Variants in BPIFB6 observed in about 807,000 individuals in gnomAD.
BPIFB6 encodes BPI fold containing family B member 6.
A neutral mutation model predicts 54.7 loss-of-function variants in BPIFB6; 47 were observed. The ratio of observed to expected loss-of-function variants is 0.86; its 90% CI spans 0.68 to 1.10. The LOEUF is 1.10. Ranked by LOEUF, BPIFB6 falls within the 50% of genes least tolerant of loss-of-function variation. The probability of loss-of-function intolerance (pLI) is 0.00; values close to 1 mark genes in which losing one functional copy is unlikely to be tolerated. For missense variants in BPIFB6, 603 were observed against 564.1 expected (o/e 1.07, Z -0.70); for synonymous variants, 255 against 225.9 (o/e 1.13, Z -1.16).
At chr20:33,033,403 A>G (rs902416191) in intron 2 of BPIFB6, 1 of 473,918 alleles carries the variant, frequency 2.1e-6, no homozygotes, top group African/African-American at 2.0e-5. Flanking sequence ...AAATGAAAAC[A>G]TCCTCAAATG....
chr20:33,041,020 C>T (rs1184293902), intron 11 of BPIFB6, among the ~76,000 whole-genome samples: 1 of 140,356 alleles, frequency 7.1e-6, no homozygotes, highest in Non-Finnish European at 1.5e-5. Flanking sequence ...GACAGAGTCT[C>T]GCTCTGTTGC....
At chr20:33,038,043 T>C (rs148126730) in intron 8 of BPIFB6, among the ~76,000 whole-genome samples, 102 of 152,278 alleles carry the variant, frequency 6.7e-4, no homozygotes, top group African/African-American at 2.3e-3. Context: ...CCCACTCATC[T>C]TTCTAGCTGT....
At chr20:33,031,825 AC>A in intron 1 of BPIFB6, 81 bp downstream of exon 1, 1 of 1,153,842 alleles carries the variant, frequency 8.7e-7, no homozygotes, top group East Asian at 2.4e-5. Context: ...TCTTGGTTGC[AC>A]ATCCTGGAGC....
intron 1 of BPIFB6, among the ~76,000 whole-genome samples, chr20:33,032,477 G>A (rs766064177): frequency 2.6e-5 from 4 of 152,110 alleles, no homozygotes; most frequent in Admixed American, 6.5e-5. Flanking sequence ...ACCTAGGCTT[G>A]GGAGTGGCTG....
chr20:33,040,355 C>T (rs1979529237), intron 11 of BPIFB6, 37 bp downstream of exon 11: 1 of 1,600,036 alleles, frequency 6.2e-7, no homozygotes, highest in African/African-American at 1.3e-5. Context: ...ATCCCTGTTA[C>T]CTTCACATTT....
At position 33,034,288 on chromosome 20, in the gene BPIFB6, G is replaced by C. The variant is rs866096759; in HGVS notation, c.300G>C (p.Lys100Asn). The C allele has an allele frequency of 3.1e-6, 5 of 1,609,824 alleles. No homozygotes were observed. Among genetic ancestry groups the C allele is most frequent in the Non-Finnish European group, 4.3e-6 (5 of 1,176,246 alleles). The change falls in exon 3 of 15, where the codon AAG becomes AAC. Residue 100 changes from lysine (K) to asparagine (N), a missense_variant and splice_region_variant. By Grantham distance (94) the Lys-to-Asn change is moderately conservative (BLOSUM62 0). Transcript: ENST00000349552. ...CCACAGGCATGACCGTCACTGGCAA[G>C]AGGTGAGTGTGGCAGGGGAGGGGCA... ...CVSTGMTVTG[K>N]SFMGGNMEII...
intron 12 of BPIFB6, 80 bp downstream of exon 12, chr20:33,042,095 G>A (rs1266561729): frequency 1.4e-6 from 2 of 1,446,706 alleles, no homozygotes; most frequent in African/African-American, 2.8e-5. Context: ...CAGGGCCGAG[G>A]CCCTGAAATG....
chr20:33,036,448 C>T lies in BPIFB6; in HGVS notation c.581C>T (p.Pro194Leu), dbSNP rs186766598. 64 of 1,612,426 alleles carry T rather than the reference C, an allele frequency of 4.0e-5. No homozygotes were observed. Among genetic ancestry groups the T allele is most frequent in the Non-Finnish European group, 5.3e-5 (62 of 1,179,110 alleles). Residue 194 changes from proline (P) to leucine (L), a missense_variant, in exon 7 of 15, where the codon CCC (proline) becomes CTC (leucine). Coordinates refer to ENST00000349552, the MANE Select transcript of BPIFB6 (RefSeq NM_174897.2). ...VNRKWTNLSD[P>L]MPVGQMGTVK... ...GTGGAACCTCCTTTTCACACAGACC[C>T]CATGCCTGTGGGCCAGATGGGCACC...
In BPIFB6 at chr20:33,043,425, G is replaced by A; in HGVS notation, c.1329+58G>A. On this transcript the variant is annotated intron_variant, in intron 14 of 14. Coordinates refer to ENST00000349552, the MANE Select transcript of BPIFB6 (RefSeq NM_174897.2). ...TCAACACTGTCAGCCAGTGAGTGAT[G>A]AGCAAGAGCCTACCTCTCTCAAACT... 7 of 1,498,896 alleles carry A rather than the reference G, an allele frequency of 4.7e-6. No individual in the cohort carries two copies. In the South Asian group the frequency reaches 7.9e-5, roughly 17 times the overall value. The allele number at this position is 1,498,896 out of a possible 1,614,324, so 92.8% of individuals were successfully genotyped here. A position where few individuals can be genotyped will look rare whatever the true frequency, so the allele number is the denominator to read the frequency against.
intron 2 of BPIFB6, chr20:33,033,464 T>C: frequency 2.2e-6 from 1 of 454,534 alleles, no homozygotes; most frequent in Non-Finnish European, 4.4e-6. Flanking sequence ...GGAAACTGGT[T>C]CCTCTGCCAG....
At chr20:33,034,425 T>C in intron 3 of BPIFB6, 135 bp downstream of exon 3, 1 of 713,282 alleles carries the variant, frequency 1.4e-6, no homozygotes, top group Admixed American at 2.1e-5. Flanking sequence ...GGTCCCTACC[T>C]TTGTCAGGAA....
Position 33,034,930 on chromosome 20 carries a change from T to C in BPIFB6, c.452+18T>C. ...CCTAGCAAGTGAGGGGCTCTGTGGC[T>C]GGGGAGGAAGGCCGGTCCATATTGC... is the stretch of plus-strand genomic sequence containing the variant. On this transcript the variant is annotated intron_variant, in intron 4 of 14. Coordinates refer to ENST00000349552, the MANE Select transcript of BPIFB6 (RefSeq NM_174897.2). 5.6e-6 allele frequency: 9 copies of C among 1,606,702 alleles called. No homozygotes were observed. The highest frequency in any genetic ancestry group is 7.7e-6 in the Non-Finnish European group (9 of 1,174,306).
intron 3 of BPIFB6, 45 bp downstream of exon 3, chr20:33,034,335 C>T (rs376938442): frequency 7.2e-5 from 93 of 1,291,534 alleles, no homozygotes; most frequent in Non-Finnish European, 9.7e-5. Flanking sequence ...AACGGCCTTC[C>T]TGTCTCATCC....
chr20:33,035,503 C>G (rs545386696), intron 5 of BPIFB6, 109 bp from the exon 6 acceptor site: 76 of 1,152,874 alleles, frequency 6.6e-5, no homozygotes, highest in Non-Finnish European at 9.3e-5. Context: ...GTTTTCTCCC[C>G]AGTCCCTGTC....
intron 8 of BPIFB6, among the ~76,000 whole-genome samples, chr20:33,038,234 C>T (rs1048230374): frequency 2.0e-5 from 3 of 152,172 alleles, no homozygotes; most frequent in Non-Finnish European, 2.9e-5. Context: ...TCCTCCTACT[C>T]GTCCACTCAT....
At position 33,043,273 on chromosome 20, in the gene BPIFB6, T is replaced by G. The variant is rs1246895787; in HGVS notation, c.1253-18T>G. 2 of 1,612,228 alleles carry G rather than the reference T, an allele frequency of 1.2e-6. No homozygotes were observed. Among genetic ancestry groups the G allele is most frequent in the Non-Finnish European group, 1.7e-6 (2 of 1,178,390 alleles). On this transcript the variant is annotated intron_variant, in intron 13 of 14. Transcript: ENST00000349552. The stretch of plus-strand genomic sequence containing the variant: ...TGCACAGCAGTCAGGCTGATATGAC[T>G]CTTACTGTATTTCTCAGATGTGCTT...
At chr20:33,034,713 C>A in intron 3 of BPIFB6, 50 bp from the exon 4 acceptor site, 2 of 1,544,564 alleles carry the variant, frequency 1.3e-6, no homozygotes, top group Middle Eastern at 1.8e-4. Flanking sequence ...GCAGGGAGAG[C>A]GGACACCATG....
intron 8 of BPIFB6, 140 bp downstream of exon 8, chr20:33,037,878 T>C (rs1438766582): frequency 2.3e-6 from 2 of 879,960 alleles, no homozygotes; most frequent in Non-Finnish European, 3.5e-6. Flanking sequence ...TGAGTTTCTC[T>C]CAGCAGTTCA....
chr20:33,035,402 C>G (rs929154588), intron 5 of BPIFB6, among the ~76,000 whole-genome samples: 2 of 151,912 alleles, frequency 1.3e-5, no homozygotes, highest in African/African-American at 4.8e-5. Context: ...GGAAAGAGTC[C>G]CGGCTAATTT....
Sources: gnomAD v4.1 joint callset for allele counts (sites outside exome capture counted in the v4.1 genomes callset) on GRCh38, gnomAD v4.1.1 for gene constraint, MANE v1.5 for transcripts, NCBI Gene and HGNC (gene_info 2026-07-23, HGNC 2026-07-21) for gene names.